RBM20: variants seen among roughly 807,000 people sequenced by gnomAD.
The protein encoded by RBM20 is RNA binding motif protein 20, also known as RNA-binding protein 20.
RBM20 carries 51 observed loss-of-function variants against 110.1 expected under a neutral mutation model. That is an observed-to-expected ratio of 0.46 (90% confidence interval 0.37 to 0.59). The LOEUF (loss-of-function observed/expected upper bound fraction) is 0.59, where lower values mean the gene tolerates loss of function less well. RBM20 is among the 20% of genes least tolerant of loss of function. The probability of loss-of-function intolerance (pLI) is 0.00; values close to 1 mark genes in which losing one functional copy is unlikely to be tolerated. For missense variants in RBM20, 1,512 were observed against 1,574.9 expected (o/e 0.96, Z 0.68); for synonymous variants, 589 against 618.2 (o/e 0.95, Z 0.70).
intron 3 of RBM20, 93 bp downstream of exon 3, chr10:110,783,520 G>T: frequency 1.0e-6 from 1 of 997,102 alleles, no homozygotes; most frequent in Non-Finnish European, 1.5e-6. Context: ...TGAGTCCTGG[G>T]GCAATAGCAG....
chr10:110,826,735 A>G (rs1157658965), intron 12 of RBM20, among the ~76,000 whole-genome samples: 1 of 152,016 alleles, frequency 6.6e-6, no homozygotes, highest in African/African-American at 2.4e-5. Context: ...GGCACCTGCC[A>G]CCACGCCTGG....
intron 1 of RBM20, among the ~76,000 whole-genome samples, chr10:110,769,575 T>G (rs1844157564): frequency 6.6e-6 from 1 of 152,186 alleles, no homozygotes; most frequent in African/African-American, 2.4e-5. Flanking sequence ...GAAGGTAGTT[T>G]TATAATTAAT....
chr10:110,668,763 G>A (rs1022830101), intron 1 of RBM20, among the ~76,000 whole-genome samples: 4 of 152,082 alleles, frequency 2.6e-5, no homozygotes, highest in Admixed American at 2.6e-4. Context: ...GAGGGTAGAG[G>A]CAGAGTTGAT....
intron 1 of RBM20, among the ~76,000 whole-genome samples, chr10:110,766,172 A>G (rs185102506): frequency 6.6e-6 from 1 of 152,348 alleles, no homozygotes; most frequent in Admixed American, 6.5e-5. Flanking sequence ...GCAGTTTTCA[A>G]TCTGCTTGGA....
In RBM20 at chr10:110,812,679, G is replaced by GGAAA; in HGVS notation, c.2285_2288dup (p.Pro764ArgfsTer38). 6.4e-7 allele frequency: 1 copy of GGAAA among 1,551,694 alleles called. No individual in the cohort carries two copies. The highest frequency in any genetic ancestry group is 8.7e-7 in the Non-Finnish European group (1 of 1,147,002). ...AAAAGCCGTGAAGACGGCTACTACC[G>GGAAA]GAAAGAGCCCAAAGCCAAGTCGGAC... On this transcript the variant is annotated frameshift_variant, in exon 9 of 14. Coordinates refer to ENST00000369519, the MANE Select transcript of RBM20 (RefSeq NM_001134363.3). LOFTEE classifies it high-confidence loss of function.
Position 110,812,549 on chromosome 10 carries a change from C to G in RBM20, c.2152C>G (p.Leu718Val), listed in dbSNP as rs1024449251. ...TGATCGCAAACACCACCCCCGGCAA[C>G]TGGACAAGGCTGAGTTGGACGAGCG... ...AHDRKHHPRQ[L>V]DKAELDERPE... Residue 718 changes from leucine (L) to valine (V), a missense_variant, in exon 9 of 14, where the codon CTG (leucine) becomes GTG (valine). Leu to Val is a conservative substitution (Grantham distance 32). Around this residue, in one of 3 missense-constraint regions of RBM20, gnomAD observed 1,149 missense variants for 1,169.4 expected, o/e 0.98. Coordinates refer to ENST00000369519, the MANE Select transcript of RBM20 (RefSeq NM_001134363.3). 12 of 1,551,732 alleles carry G rather than the reference C, an allele frequency of 7.7e-6. No individual in the cohort carries two copies. In the Admixed American group the frequency reaches 2.4e-4, roughly 30 times the overall value.
At chr10:110,802,939 C>T (rs1027176648) in intron 7 of RBM20, among the ~76,000 whole-genome samples, 4 of 152,216 alleles carry the variant, frequency 2.6e-5, no homozygotes, top group African/African-American at 7.2e-5. Flanking sequence ...CCTCAGTTTA[C>T]AGATCAGGAA....
chr10:110,753,034 G>A (rs906967947), intron 1 of RBM20, among the ~76,000 whole-genome samples: 1 of 149,576 alleles, frequency 6.7e-6, no homozygotes, highest in Admixed American at 6.7e-5. Context: ...TGCCTCCCGG[G>A]TTCAAGCAAT....
rs1407743002 is a variant in RBM20, at chr10:110,783,428, G to A, written c.1337+1G>A. ...AGAAATGCCTGGTCTTCTCTGAAAA[G>A]TAAGTGCTGTTCAGGAGGACAGGCT... On this transcript the variant is annotated splice_donor_variant, in intron 3 of 13. Coordinates refer to ENST00000369519, the MANE Select transcript of RBM20 (RefSeq NM_001134363.3). LOFTEE classifies it high-confidence loss of function. The A allele has an allele frequency of 6.5e-7, 1 of 1,549,830 alleles. No homozygotes were observed. The highest frequency in any genetic ancestry group is 2.4e-5 in the East Asian group (1 of 40,896).
At chr10:110,685,556 C>T (rs1286097900) in intron 1 of RBM20, among the ~76,000 whole-genome samples, 4 of 152,094 alleles carry the variant, frequency 2.6e-5, no homozygotes, top group Non-Finnish European at 5.9e-5. Flanking sequence ...CCCTAGTAGT[C>T]CATACTGAGA....
Position 110,823,469 on chromosome 10 carries a change from A to AT in RBM20, c.3317-10dup. 1 of 1,106,466 alleles carries AT rather than the reference A, an allele frequency of 9.0e-7. No individual in the cohort carries two copies. Among genetic ancestry groups the AT allele is most frequent in the South Asian group, 1.9e-5 (1 of 51,818 alleles). 68.5% of individuals were successfully genotyped at this position (1,106,466 alleles called of 1,614,324 possible). On this transcript the variant is annotated splice_polypyrimidine_tract_variant and intron_variant, in intron 11 of 13. Transcript: ENST00000369519. ...TTTTTTTTTTTTTTTGCCTTGGTTC[A>AT]TGTTTTGCAGAAAACTCCAGGTACG...
chr10:110,652,192 ATAT>A (rs926297606), intron 1 of RBM20, among the ~76,000 whole-genome samples: 1 of 152,230 alleles, frequency 6.6e-6, no homozygotes, highest in African/African-American at 2.4e-5. Context: ...GAACCATATA[ATAT>A]TAACTAAAAA....
chr10:110,791,402 G>A (rs1844481403), intron 5 of RBM20, among the ~76,000 whole-genome samples: 1 of 152,200 alleles, frequency 6.6e-6, no homozygotes, highest in African/African-American at 2.4e-5. Flanking sequence ...GGCAGTTTGA[G>A]AGACCTCTCT....
At chr10:110,646,708 G>A (rs973003463) in intron 1 of RBM20, among the ~76,000 whole-genome samples, 1 of 152,210 alleles carries the variant, frequency 6.6e-6, no homozygotes, top group Non-Finnish European at 1.5e-5. Context: ...TCAATGCGCC[G>A]AAATTTGAGC....
At chr10:110,756,701 G>T (rs920106811) in intron 1 of RBM20, 4 of 152,254 alleles carry the variant, frequency 2.6e-5, no homozygotes, top group African/African-American at 9.6e-5. Flanking sequence ...AAAGCCTGAA[G>T]GTGGGAGCTA....
chr10:110,659,916 TG>T (rs1862078573), intron 1 of RBM20, among the ~76,000 whole-genome samples: 1 of 151,466 alleles, frequency 6.6e-6, no homozygotes, highest in African/African-American at 2.4e-5. Context: ...GAGTGCATAC[TG>T]ATCCTCCCAC....
rs1844379363 is a variant in RBM20 at position 110,783,411 on chromosome 10, C to A, written c.1321C>A (p.Leu441Met). 6.4e-7 allele frequency: 1 copy of A among 1,551,122 alleles called. No homozygotes were observed. Among genetic ancestry groups the A allele is most frequent in the African/African-American group, 1.4e-5 (1 of 73,140 alleles). Residue 441 changes from leucine (L) to methionine (M), a missense_variant, in exon 3 of 14, where the codon CTG (leucine) becomes ATG (methionine). Transcript: ENST00000369519. ...VKGKLHAQKC[L>M]VFSENAGIRC... The stretch of plus-strand genomic sequence containing the variant: ...AGGGAAGCTGCACGCTCAGAAATGC[C>A]TGGTCTTCTCTGAAAAGTAAGTGCT...
intron 1 of RBM20, among the ~76,000 whole-genome samples, chr10:110,726,787 A>G (rs1037516550): frequency 2.6e-5 from 4 of 152,346 alleles, no homozygotes; most frequent in South Asian, 2.1e-4. Context: ...GGAAAAAGAT[A>G]CAAATTAAAA....
chr10:110,837,775 GGAGCTGGT>G lies in RBM20; in HGVS notation c.*1801_*1808del, dbSNP rs1323396559. 1 of 152,284 alleles carries G rather than the reference GGAGCTGGT, an allele frequency of 6.6e-6. No individual in the cohort carries two copies. The highest frequency in any genetic ancestry group is 1.5e-5 in the Non-Finnish European group (1 of 68,090). 9.4% of individuals were successfully genotyped at this position (152,284 alleles called of 1,614,324 possible). ...GTCATTGGCAAGGGACAGGCTCATG[GGAGCTGGT>G]GAGAGAGAGCAGTTAAGGCAAGCAC... On this transcript the variant is annotated 3_prime_UTR_variant, in exon 14 of 14. Coordinates refer to ENST00000369519, the MANE Select transcript of RBM20 (RefSeq NM_001134363.3).
Sources: gnomAD v4.1 joint callset for allele counts (sites outside exome capture counted in the v4.1 genomes callset) on GRCh38, gnomAD v4.1.1 for gene constraint, gnomAD v4.1.1 regional missense constraint, MANE v1.5 for transcripts, NCBI Gene and HGNC (gene_info 2026-07-23, HGNC 2026-07-21) for gene names.